Variants in PACRG observed in about 807,000 individuals in gnomAD.
PACRG encodes parkin coregulated gene protein.
Under a neutral mutation model 29.7 loss-of-function variants are expected in PACRG, and 29 were observed. The observed-to-expected ratio is 0.98, with a 90% CI of 0.73 to 1.33. The LOEUF (loss-of-function observed/expected upper bound fraction) is 1.33, where lower values mean the gene tolerates loss of function less well. Ranked by LOEUF, PACRG falls within the 40% of genes most tolerant of loss-of-function variation. The pLI is 0.00. For synonymous variants in PACRG, 116 were observed against 118.7 expected (o/e 0.98, Z 0.15); for missense variants, 279 against 316.2 (o/e 0.88, Z 0.89).
intron 2 of PACRG, among the ~76,000 whole-genome samples, chr6:162,929,156 C>T (rs548519735): frequency 1.4e-4 from 21 of 151,900 alleles, no homozygotes; most frequent in Non-Finnish European, 2.7e-4. Flanking sequence ...CTGGATCATA[C>T]GGGAGTTCTA....
chr6:163,009,044 G>GT (rs900122907), intron 2 of PACRG, among the ~76,000 whole-genome samples: 81 of 152,196 alleles, frequency 5.3e-4, no homozygotes, highest in African/African-American at 1.8e-3. Flanking sequence ...GATTATTTTT[G>GT]TTTAGGTACT....
chr6:162,861,807 T>C (rs1207645631), intron 2 of PACRG, among the ~76,000 whole-genome samples: 1 of 152,222 alleles, frequency 6.6e-6, no homozygotes, highest in African/African-American at 2.4e-5. Flanking sequence ...TCACTTTAGA[T>C]CTCTGTTGTA....
intron 2 of PACRG, among the ~76,000 whole-genome samples, chr6:162,945,283 C>T (rs1415588120): frequency 3.3e-5 from 5 of 151,922 alleles, no homozygotes; most frequent in Non-Finnish European, 5.9e-5. Flanking sequence ...CCTGTAAAGA[C>T]ACATATAGAC....
intron 2 of PACRG, chr6:162,997,355 A>G (rs1217230835): frequency 2.2e-6 from 1 of 446,032 alleles, no homozygotes; most frequent in South Asian, 1.6e-5. Flanking sequence ...ATTTGCTTAT[A>G]TTAGTCCTTT....
chr6:162,953,137 G>A (rs908143720), intron 2 of PACRG, among the ~76,000 whole-genome samples: 1 of 152,126 alleles, frequency 6.6e-6, no homozygotes, highest in African/African-American at 2.4e-5. Context: ...AACCACAAGT[G>A]TCATAACTGC....
intron 1 of PACRG, among the ~76,000 whole-genome samples, chr6:162,803,637 T>G (rs1786067644): frequency 6.6e-6 from 1 of 152,164 alleles, no homozygotes; most frequent in Non-Finnish European, 1.5e-5. Context: ...ACAACCAGTA[T>G]TTAATATATT....
At chr6:163,036,907 TCCATC>T (rs1808252462) in intron 2 of PACRG, among the ~76,000 whole-genome samples, 1 of 132,782 alleles carries the variant, frequency 7.5e-6, no homozygotes, top group East Asian at 2.3e-4. Flanking sequence ...CATCCATCCA[TCCATC>T]CATTCACCCA....
intron 1 of PACRG, among the ~76,000 whole-genome samples, chr6:162,787,576 GTGTGTGTA>G (rs1181520477): frequency 8.4e-4 from 50 of 59,512 alleles, no homozygotes; most frequent in African/African-American, 2.9e-3. Flanking sequence ...GTGTGTGTGT[GTGTGTGTA>G]TATATATATA....
At chr6:163,314,444 AC>A (rs1291185643) in intron 4 of PACRG, among the ~76,000 whole-genome samples, 1 of 152,294 alleles carries the variant, frequency 6.6e-6, no homozygotes, top group East Asian at 1.9e-4. Flanking sequence ...ATCACACGGA[AC>A]GAACAGCCTG....
At chr6:162,729,149 TTTAAA>T (rs1779542968) in intron 1 of PACRG, among the ~76,000 whole-genome samples, 1 of 152,220 alleles carries the variant, frequency 6.6e-6, no homozygotes, top group African/African-American at 2.4e-5. Flanking sequence ...GTATATATTT[TTTAAA>T]CCTTCCTATT....
At chr6:162,884,697 A>G (rs1584652623) in intron 2 of PACRG, among the ~76,000 whole-genome samples, 1 of 152,220 alleles carries the variant, frequency 6.6e-6, no homozygotes, top group East Asian at 1.9e-4. Flanking sequence ...AACCTGAAAT[A>G]TAAAATAACA....
intron 4 of PACRG, among the ~76,000 whole-genome samples, chr6:163,207,453 C>G (rs1053918858): frequency 6.6e-6 from 1 of 152,176 alleles, no homozygotes; most frequent in Non-Finnish European, 1.5e-5. Flanking sequence ...ATACTGAAAT[C>G]GATTTTTATT....
intron 4 of PACRG, among the ~76,000 whole-genome samples, chr6:163,102,557 A>G (rs1236112896): frequency 6.6e-6 from 1 of 152,152 alleles, no homozygotes; most frequent in African/African-American, 2.4e-5. Context: ...GAAATTTCTA[A>G]GAGTATTTTT....
At chr6:162,767,014 G>A (rs1299850092) in intron 1 of PACRG, among the ~76,000 whole-genome samples, 1 of 151,882 alleles carries the variant, frequency 6.6e-6, no homozygotes, top group African/African-American at 2.4e-5. Context: ...AATATATACA[G>A]TTTTTAAATT....
chr6:163,239,097 T>A (rs1782361994), intron 4 of PACRG, among the ~76,000 whole-genome samples: 1 of 152,228 alleles, frequency 6.6e-6, no homozygotes, highest in Non-Finnish European at 1.5e-5. Context: ...ATCACCTCGA[T>A]AAATTACTGA....
At chr6:163,280,006 A>C (rs928672450) in intron 4 of PACRG, among the ~76,000 whole-genome samples, 4 of 152,154 alleles carry the variant, frequency 2.6e-5, no homozygotes, top group Non-Finnish European at 4.4e-5. Context: ...TTGCACTGGA[A>C]GCTTCTGAGT....
intron 4 of PACRG, among the ~76,000 whole-genome samples, chr6:163,155,998 A>T (rs983193845): frequency 6.6e-6 from 1 of 152,156 alleles, no homozygotes; most frequent in African/African-American, 2.4e-5. Flanking sequence ...CTCCTTCAAG[A>T]ACTCTTCCCT....
chr6:162,774,689 A>T (rs1783502978), intron 1 of PACRG, among the ~76,000 whole-genome samples: 1 of 151,970 alleles, frequency 6.6e-6, no homozygotes, highest in South Asian at 2.1e-4. Context: ...AGGCTTTTTT[A>T]TTCTTAATGT....
In PACRG at chr6:162,730,710, T is replaced by C. The variant is rs188111167; in HGVS notation, c.156+2319T>C. Among the ~76,000 whole-genome samples the C allele has an allele frequency of 9.2e-5, 14 of 152,330 alleles. No homozygotes were observed. In the East Asian group the frequency reaches 2.5e-3, roughly 27 times the overall value. On this transcript the variant is annotated intron_variant, in intron 1 of 4. Coordinates refer to ENST00000366888, the MANE Select transcript of PACRG (RefSeq NM_001080379.2). ...TTTAAAATCTCAATGTCAAATATTTTTCTTCAATAGAAACTAGACTTTCTT... is the reference window on the plus strand; with the variant it reads ...TTTAAAATCTCAATGTCAAATATTTCTCTTCAATAGAAACTAGACTTTCTT...
Sources: allele counts gnomAD v4.1 joint callset (sites outside exome capture counted in the v4.1 genomes callset), GRCh38; gene constraint gnomAD v4.1.1; transcripts MANE v1.5; gene names NCBI Gene and HGNC (gene_info 2026-07-23, HGNC 2026-07-21).